The following PLEKHG7 variants were observed in gnomAD, a reference collection of about 807,000 sequenced individuals.
PLEKHG7 encodes the protein pleckstrin homology domain-containing family G member 7.
In PLEKHG7, 77 loss-of-function variants were observed where a neutral mutation model predicts 85.2. The observed-to-expected ratio is 0.90, with a 90% CI of 0.75 to 1.09. The LOEUF (loss-of-function observed/expected upper bound fraction) is 1.09, where lower values mean the gene tolerates loss of function less well. PLEKHG7 is among the 50% of genes least tolerant of loss of function. The pLI is 0.00. For missense variants in PLEKHG7, 777 were observed against 804.3 expected, an observed-to-expected ratio of 0.97 and a Z score of 0.41; for synonymous variants, 301 against 302.4, an observed-to-expected ratio of 1.00 and a Z score of 0.05.
At chr12:92,765,726 C>T (rs1364552044) in intron 15 of PLEKHG7, among the ~76,000 whole-genome samples, 5 of 151,860 alleles carry the variant, frequency 3.3e-5, no homozygotes, top group Admixed American at 6.6e-5. Context: ...CTCAGGAGTT[C>T]GAGGCTGCAG....
At chr12:92,736,789 C>T (rs1565791363) in intron 6 of PLEKHG7, among the ~76,000 whole-genome samples, 1 of 152,174 alleles carries the variant, frequency 6.6e-6, no homozygotes, top group Non-Finnish European at 1.5e-5. Context: ...AATAAGGTAA[C>T]AAATGTGAGA....
At chr12:92,757,927 G>GAGTGGTGAAACCGGAAGTTC (rs1361370389) in intron 13 of PLEKHG7, among the ~76,000 whole-genome samples, 6 of 152,208 alleles carry the variant, frequency 3.9e-5, no homozygotes, top group Non-Finnish European at 8.8e-5. Context: ...GACCAAAGCA[G>GAGTGGTGAAACCGGAAGTTC]AGTGGTGAAA....
In PLEKHG7 at chr12:92,754,145, CCCCACT is replaced by C; in HGVS notation, c.1308_1313del (p.Pro437_Leu438del). 1 of 1,613,902 alleles carries C rather than the reference CCCCACT, an allele frequency of 6.2e-7. No individual in the cohort carries two copies. Among genetic ancestry groups the C allele is most frequent in the South Asian group, 1.1e-5 (1 of 91,070 alleles). On this transcript the variant is annotated inframe_deletion, in exon 11 of 17. Coordinates refer to ENST00000344636, the MANE Select transcript of PLEKHG7 (RefSeq NM_001377329.1). ...CTCCACGTGCCAGAGCTGCTAGTGG[CCCCACT>C]ACAGAGGCTCACTCGATATCCGTTG... is the stretch of plus-strand genomic sequence containing the variant.
intron 15 of PLEKHG7, among the ~76,000 whole-genome samples, chr12:92,765,497 C>A (rs1018666338): frequency 6.6e-6 from 1 of 151,868 alleles, no homozygotes; most frequent in Non-Finnish European, 1.5e-5. Context: ...GGCATGGTGG[C>A]GCACACCTGT....
chr12:92,715,021 T>TAGATAGAC (rs1318531527), intron 3 of PLEKHG7, among the ~76,000 whole-genome samples: 44 of 54,700 alleles, frequency 8.0e-4, no homozygotes, highest in African/African-American at 3.2e-3. Context: ...ACTAATGGGA[T>TAGATAGAC]AGATAGATAG....
At chr12:92,762,977 A>T (rs947003609) in intron 14 of PLEKHG7, among the ~76,000 whole-genome samples, 1 of 152,224 alleles carries the variant, frequency 6.6e-6, no homozygotes, top group African/African-American at 2.4e-5. Context: ...TAAGTTACTC[A>T]GACTAGCATG....
chr12:92,744,965 C>A (rs1248824115), intron 9 of PLEKHG7, among the ~76,000 whole-genome samples: 1 of 152,148 alleles, frequency 6.6e-6, no homozygotes, highest in Non-Finnish European at 1.5e-5. Flanking sequence ...CTGCGCCCAG[C>A]CAAGATGTCC....
rs540510481 is a variant in PLEKHG7, at chr12:92,706,037, C to T, written c.-161-434C>T. Among the ~76,000 whole-genome samples the T allele has an allele frequency of 4.6e-5, 7 of 152,262 alleles. 1 individual carries two copies. In the South Asian group the frequency reaches 1.5e-3, roughly 32 times the overall value. ...AGCCTGTCTCATTCTGTAATTTAAA[C>T]CTTGAGGGAAGGAGGCTTGTTTTCC... On this transcript the variant is annotated intron_variant, in intron 1 of 16. Coordinates refer to ENST00000344636, the MANE Select transcript of PLEKHG7 (RefSeq NM_001377329.1).
chr12:92,745,453 T>C (rs1205747128), intron 9 of PLEKHG7, 25 bp from the exon 10 acceptor site: 2 of 1,486,182 alleles, frequency 1.3e-6, no homozygotes, highest in African/African-American at 2.8e-5. Flanking sequence ...GTGTTCATCC[T>C]CCTTCTGCTC....
intron 10 of PLEKHG7, among the ~76,000 whole-genome samples, chr12:92,753,066 G>A (rs936043796): frequency 6.6e-6 from 1 of 152,212 alleles, no homozygotes; most frequent in African/African-American, 2.4e-5. Context: ...TATTAGGTTG[G>A]TGCAAAAGTA....
intron 3 of PLEKHG7, among the ~76,000 whole-genome samples, chr12:92,714,364 C>T (rs1042452906): frequency 6.6e-6 from 1 of 152,080 alleles, no homozygotes; most frequent in African/African-American, 2.4e-5. Flanking sequence ...ACTCAGTGTC[C>T]CCAGCTTCAT....
intron 13 of PLEKHG7, 117 bp from the exon 14 acceptor site, chr12:92,761,635 A>AAGAAAGG: frequency 3.4e-6 from 1 of 292,944 alleles, no homozygotes; most frequent in Non-Finnish European, 4.8e-6. Flanking sequence ...AGAAAGAAAG[A>AAGAAAGG]AAGAAAGAAA....
At chr12:92,761,623 G>GA (rs878936959) in intron 13 of PLEKHG7, 129 bp from the exon 14 acceptor site, 17 of 718,936 alleles carry the variant, frequency 2.4e-5, no homozygotes, top group African/African-American at 9.0e-5. Context: ...AAGAAAGAAA[G>GA]AAGAAAGAAA....
chr12:92,714,615 G>A (rs917819657), intron 3 of PLEKHG7, among the ~76,000 whole-genome samples: 2 of 152,178 alleles, frequency 1.3e-5, no homozygotes, highest in Non-Finnish European at 2.9e-5. Flanking sequence ...TGCTTCTGAA[G>A]CCAGGAGTTA....
intron 10 of PLEKHG7, among the ~76,000 whole-genome samples, chr12:92,753,034 G>A (rs996311995): frequency 2.6e-5 from 4 of 152,164 alleles, no homozygotes; most frequent in African/African-American, 7.2e-5. Context: ...TCCTAATGCC[G>A]CTCCACTGAA....
At chr12:92,736,440 A>G in intron 5 of PLEKHG7, 42 bp from the exon 6 acceptor site, 1 of 1,132,748 alleles carries the variant, frequency 8.8e-7, no homozygotes, top group Non-Finnish European at 1.1e-6. Flanking sequence ...GTCATTAAAG[A>G]ATCAATGTTT....
chr12:92,756,526 C>G, intron 13 of PLEKHG7, 135 bp downstream of exon 13: 1 of 701,384 alleles, frequency 1.4e-6, no homozygotes, highest in East Asian at 2.6e-5. Flanking sequence ...GAGAGAGTCC[C>G]TATGGAGTCA....
chr12:92,761,677 A>AGAAG (rs1873035747), intron 13 of PLEKHG7, 75 bp from the exon 14 acceptor site: 4 of 1,359,744 alleles, frequency 2.9e-6, no homozygotes, highest in Non-Finnish European at 3.8e-6. Flanking sequence ...AAAGAAAGAA[A>AGAAG]GAAAGAAAGG....
At chr12:92,743,270 G>T (rs984733876) in intron 9 of PLEKHG7, among the ~76,000 whole-genome samples, 1 of 152,166 alleles carries the variant, frequency 6.6e-6, no homozygotes, top group African/African-American at 2.4e-5. Flanking sequence ...ACAACACATG[G>T]CATGTCTGCT....
Sources: gnomAD v4.1 joint callset for allele counts (sites outside exome capture counted in the v4.1 genomes callset) on GRCh38, gnomAD v4.1.1 for gene constraint, MANE v1.5 for transcripts, NCBI Gene and HGNC (gene_info 2026-07-23, HGNC 2026-07-21) for gene names.